The following SGCD variants were observed in gnomAD, a reference collection of about 807,000 sequenced individuals.
SGCD encodes delta-sarcoglycan.
A neutral mutation model predicts 36.6 loss-of-function variants in SGCD; 18 were observed. The ratio of observed to expected loss-of-function variants is 0.49; its 90% confidence interval spans 0.34 to 0.73. The LOEUF is 0.73. Among genes scored for constraint, SGCD ranks in the 30% least tolerant of loss-of-function variants. The pLI, the probability that SGCD is intolerant of heterozygous loss-of-function variation, is 0.01. For missense variants in SGCD, 387 were observed against 346.7 expected (o/e 1.12, Z -0.92); for synonymous variants, 133 against 130.6 (o/e 1.02, Z -0.12).
At chr5:156,564,898 T>G (rs1202861579) in intron 4 of SGCD, among the ~76,000 whole-genome samples, 1 of 152,222 alleles carries the variant, frequency 6.6e-6, no homozygotes, top group Non-Finnish European at 1.5e-5. Context: ...CATTCATCTG[T>G]TGATAAAACA....
chr5:156,340,197 G>A (rs1417121570), intron 2 of SGCD, among the ~76,000 whole-genome samples: 1 of 152,084 alleles, frequency 6.6e-6, no homozygotes, highest in Non-Finnish European at 1.5e-5. Flanking sequence ...ATGTATTATT[G>A]ACAGTAGAGC....
chr5:156,280,350 G>A (rs1202530420), intron 3 of SGCD, among the ~76,000 whole-genome samples: 2 of 152,148 alleles, frequency 1.3e-5, no homozygotes, highest in African/African-American at 4.8e-5. Flanking sequence ...TAACACACAT[G>A]CAAAACAATG....
the SGCD span, among the ~76,000 whole-genome samples, chr5:155,861,104 C>G: frequency 6.6e-6 from 1 of 152,144 alleles, no homozygotes; most frequent in South Asian, 2.1e-4. Flanking sequence ...ACTTGTTCAA[C>G]AAATATTCAC....
intron 1 of SGCD, among the ~76,000 whole-genome samples, chr5:156,078,788 A>G (rs1165282232): frequency 6.7e-6 from 1 of 150,352 alleles, no homozygotes; most frequent in Non-Finnish European, 1.5e-5. Flanking sequence ...CAAACTGGAT[A>G]TTAATATTGA....
At chr5:156,112,646 T>C (rs1438924890) in intron 1 of SGCD, among the ~76,000 whole-genome samples, 1 of 152,198 alleles carries the variant, frequency 6.6e-6, no homozygotes, top group Non-Finnish European at 1.5e-5. Flanking sequence ...AACAATCATA[T>C]ATAGAGGTAA....
In SGCD at chr5:156,407,754, T is replaced by A. The variant is rs116422441; in HGVS notation, c.192+63077T>A. Among the ~76,000 whole-genome samples, 205 of 152,356 alleles carry A rather than the reference T, an allele frequency of 1.3e-3. 1 individual carries two copies. Among genetic ancestry groups the A allele is most frequent in the African/African-American group, 4.8e-3 (200 of 41,582 alleles). ...AATAAAGGAGGAAGGGGAGTAAGTC[T>A]ATTTCTCTCACAGGTATATGATTGT... On this transcript the variant is annotated intron_variant, in intron 3 of 8. Coordinates refer to ENST00000337851, the MANE Select transcript of SGCD (RefSeq NM_000337.6).
intron 7 of SGCD, among the ~76,000 whole-genome samples, chr5:156,681,458 C>T (rs1435307077): frequency 6.6e-6 from 1 of 152,136 alleles, no homozygotes; most frequent in Non-Finnish European, 1.5e-5. Context: ...TTTATGGGCA[C>T]AGGATAGGGG....
At chr5:155,738,750 G>T in the SGCD span, among the ~76,000 whole-genome samples, 1 of 145,908 alleles carries the variant, frequency 6.9e-6, no homozygotes, top group East Asian at 2.0e-4. Context: ...GTGCATGTGA[G>T]TGTAAGAGAG....
In SGCD at chr5:156,508,610, G is replaced by A; in HGVS notation, c.202G>A (p.Gly68Arg). 1 of 1,604,390 alleles carries A rather than the reference G, an allele frequency of 6.2e-7. No individual in the cohort carries two copies. The highest frequency in any genetic ancestry group is 1.1e-5 in the South Asian group (1 of 90,674). Residue 68 changes from glycine to arginine, a missense_variant, in exon 4 of 9, where the codon GGA becomes AGA. By Grantham distance (125) the Gly-to-Arg change is moderately radical. Transcript: ENST00000337851. ...KVMNFTIDGM[G>R]NLRITEKGLK... ...CTGTGTTCTATTTCAGGATGGAATG[G>A]GAAACCTGAGGATCACAGAAAAAGG...
chr5:156,193,827 G>A (rs963711211), intron 3 of SGCD, among the ~76,000 whole-genome samples: 6 of 152,106 alleles, frequency 3.9e-5, no homozygotes, highest in African/African-American at 9.7e-5. Context: ...TTTCAAGTTC[G>A]CAAACAGGTT....
At chr5:156,639,141 CATATGTGT>C (rs949380383) in intron 6 of SGCD, among the ~76,000 whole-genome samples, 1 of 151,632 alleles carries the variant, frequency 6.6e-6, no homozygotes, top group Non-Finnish European at 1.5e-5. Flanking sequence ...CTCATATATA[CATATGTGT>C]ATATGTGTAT....
intron 1 of SGCD, among the ~76,000 whole-genome samples, chr5:155,979,161 A>G (rs1023785146): frequency 2.6e-5 from 4 of 152,202 alleles, no homozygotes; most frequent in Non-Finnish European, 5.9e-5. Flanking sequence ...TTGGCACAAC[A>G]ACAGATGGTC....
intron 3 of SGCD, among the ~76,000 whole-genome samples, chr5:156,305,760 C>A (rs1382110853): frequency 6.6e-6 from 1 of 152,224 alleles, no homozygotes; most frequent in Non-Finnish European, 1.5e-5. Context: ...GCTGTATGCT[C>A]CAAAACCACA....
At chr5:156,706,687 G>A (rs567067187) in intron 7 of SGCD, among the ~76,000 whole-genome samples, 70 of 152,238 alleles carry the variant, frequency 4.6e-4, no homozygotes, top group African/African-American at 1.7e-3. Flanking sequence ...ATTACCTGGA[G>A]GAATCAATAG....
chr5:156,260,162 G>A (rs529151790), intron 3 of SGCD, among the ~76,000 whole-genome samples: 1 of 152,236 alleles, frequency 6.6e-6, no homozygotes, highest in East Asian at 1.9e-4. Context: ...TAGCCTTATA[G>A]AGAGCCTTTA....
chr5:156,750,233 A>C (rs2113139222), intron 7 of SGCD, among the ~76,000 whole-genome samples: 1 of 152,232 alleles, frequency 6.6e-6, no homozygotes, highest in South Asian at 2.1e-4. Flanking sequence ...GGGGAGAAAA[A>C]TCCTAGAATA....
intron 1 of SGCD, among the ~76,000 whole-genome samples, chr5:155,977,817 C>T (rs780669127): frequency 3.9e-5 from 6 of 152,086 alleles, no homozygotes; most frequent in African/African-American, 7.2e-5. Flanking sequence ...CAGAATGGGC[C>T]GGGCGCAGTG....
intron 3 of SGCD, among the ~76,000 whole-genome samples, chr5:156,264,270 T>A (rs368757133): frequency 1.5e-4 from 23 of 152,212 alleles, no homozygotes; most frequent in Middle Eastern, 3.4e-3. Context: ...AAGTCCCCAG[T>A]TAGATATTAT....
At chr5:156,257,316 T>C (rs1038682282) in intron 3 of SGCD, among the ~76,000 whole-genome samples, 10 of 150,604 alleles carry the variant, frequency 6.6e-5, no homozygotes, top group African/African-American at 2.4e-4. Flanking sequence ...CTACTAAAAA[T>C]ACAAAAAATT....
Sources: allele counts gnomAD v4.1 joint callset (sites outside exome capture counted in the v4.1 genomes callset), GRCh38; gene constraint gnomAD v4.1.1; transcripts MANE v1.5; gene names NCBI Gene and HGNC (gene_info 2026-07-23, HGNC 2026-07-21).